Variants in SPAG7 observed in about 807,000 individuals in gnomAD.
SPAG7 encodes the protein sperm associated antigen 7.
In SPAG7, 20 loss-of-function variants were observed where a neutral mutation model predicts 30.6. The ratio of observed to expected loss-of-function variants is 0.65; its 90% CI spans 0.46 to 0.95. The LOEUF (loss-of-function observed/expected upper bound fraction) is 0.95. Ranked by LOEUF, SPAG7 falls within the 40% of genes least tolerant of loss-of-function variation. The pLI, the probability that SPAG7 is intolerant of heterozygous loss-of-function variation, is 0.00. For missense variants in SPAG7, 276 were observed against 291.1 expected (o/e 0.95, Z 0.38); for synonymous variants, 127 against 104.2 (o/e 1.22, Z -1.33).
chr17:4,963,700 A>G (rs1263829564), intron 1 of SPAG7, among the ~76,000 whole-genome samples: 4 of 151,866 alleles, frequency 2.6e-5, no homozygotes, highest in Non-Finnish European at 4.4e-5. Flanking sequence ...CTTGTGATCC[A>G]CCTGCCTCGG....
chr17:4,962,371 C>A (rs1971877195), intron 1 of SPAG7, among the ~76,000 whole-genome samples: 1 of 152,140 alleles, frequency 6.6e-6, no homozygotes, highest in Non-Finnish European at 1.5e-5. Flanking sequence ...GCCTCACCTT[C>A]CCAAAAGTGC....
chr17:4,960,364 G>A (rs373972761), intron 3 of SPAG7, 46 bp from the exon 4 acceptor site: 415 of 1,606,242 alleles, frequency 2.6e-4, no homozygotes, highest in African/African-American at 4.8e-4. Flanking sequence ...AGCCAGGAGC[G>A]GGCCTAGTGC....
chr17:4,961,541 G>C (rs1971863513), intron 1 of SPAG7, among the ~76,000 whole-genome samples: 1 of 151,156 alleles, frequency 6.6e-6, no homozygotes, highest in Admixed American at 6.6e-5. Flanking sequence ...GGATCATGAG[G>C]TCAGAAGATC....
Position 4,959,439 on chromosome 17 carries a change from G to A in SPAG7, c.*95C>T. The stretch of plus-strand genomic sequence containing the variant: ...GGGACAGCTGGTAGGAGGTGGTTCA[G>A]AGGTGGGGCTCCAGGATGGGCTCTA... On this transcript the variant is annotated 3_prime_UTR_variant, in exon 7 of 7. Coordinates refer to ENST00000206020, the MANE Select transcript of SPAG7 (RefSeq NM_004890.3). The A allele has an allele frequency of 1.0e-6, 1 of 952,462 alleles. No homozygotes were observed. Among genetic ancestry groups the A allele is most frequent in the Non-Finnish European group, 1.6e-6 (1 of 608,146 alleles). The allele number at this position is 952,462 out of a possible 1,614,324, so 59.0% of individuals were successfully genotyped here. A position where few individuals can be genotyped will look rare whatever the true frequency, so the allele number is the denominator to read the frequency against.
chr17:4,963,979 T>A (rs551804393), intron 1 of SPAG7, among the ~76,000 whole-genome samples: 36 of 152,068 alleles, frequency 2.4e-4, no homozygotes, highest in Non-Finnish European at 4.3e-4. Flanking sequence ...TACAGAAAAC[T>A]TTTTTTAAAA....
chr17:4,960,107 A>G lies in SPAG7; in HGVS notation c.332T>C (p.Phe111Ser). 6.2e-7 allele frequency: 1 copy of G among 1,613,516 alleles called. No homozygotes were observed. The highest frequency in any genetic ancestry group is 8.5e-7 in the Non-Finnish European group (1 of 1,179,416). The change falls in exon 5 of 7, where the codon TTT (phenylalanine) becomes TCT (serine). Residue 111 changes from phenylalanine to serine, a missense_variant. Coordinates refer to ENST00000206020, the MANE Select transcript of SPAG7 (RefSeq NM_004890.3). ...CRYVMIFKKE[F>S]APSDEELDSY... The stretch of plus-strand genomic sequence containing the variant: ...GTCTAGCTCTTCATCTGAGGGTGCA[A>G]ACTCCTGAAGAAGAGCAGAATGATG...
rs1319331781 is a variant in SPAG7, at chr17:4,960,615, AGCCTGGGCCCTTCTAC to A, written c.154-84_154-69del. Reference sequence around the variant, plus strand: ...ACCCAAGTACCCCTCTCCCTAGCTGAGCCTGGGCCCTTCTACGCCTCCCCAGCACCCTCCCCAGCCT... The same window carrying A: ...ACCCAAGTACCCCTCTCCCTAGCTGAGCCTCCCCAGCACCCTCCCCAGCCT... On this transcript the variant is annotated intron_variant, in intron 2 of 6. Transcript: ENST00000206020. The A allele has an allele frequency of 4.2e-6, 6 of 1,436,066 alleles. No individual in the cohort carries two copies. In the East Asian group the frequency reaches 1.1e-4, roughly 27 times the overall value. The allele number at this position is 1,436,066 out of a possible 1,614,324, so 89.0% of individuals were successfully genotyped here. A position where few individuals can be genotyped will look rare whatever the true frequency, so the allele number is the denominator to read the frequency against.
At chr17:4,962,770 G>C (rs1446242740) in intron 1 of SPAG7, among the ~76,000 whole-genome samples, 1 of 151,614 alleles carries the variant, frequency 6.6e-6, no homozygotes, top group African/African-American at 2.4e-5. Flanking sequence ...GGTTGGTCTC[G>C]AACTCCTGAC....
intron 1 of SPAG7, among the ~76,000 whole-genome samples, chr17:4,964,020 A>G (rs1407435385): frequency 6.6e-6 from 1 of 152,076 alleles, no homozygotes; most frequent in African/African-American, 2.4e-5. Flanking sequence ...CAGAGACTCA[A>G]GCTTCTCAAG....
At chr17:4,965,237 C>A (rs1971930819) in intron 1 of SPAG7, among the ~76,000 whole-genome samples, 1 of 151,766 alleles carries the variant, frequency 6.6e-6, no homozygotes, top group African/African-American at 2.4e-5. Context: ...TTCGTAGAGA[C>A]GATGTTTCGC....
intron 1 of SPAG7, among the ~76,000 whole-genome samples, chr17:4,963,451 ATTT>A (rs35484038): frequency 0.062 from 6,344 of 102,916 alleles, 119 homozygotes; most frequent in Middle Eastern, 0.14. Flanking sequence ...GGAAAGGGGA[ATTT>A]TTTTTTTTTT....
At chr17:4,963,187 G>A (rs1340403888) in intron 1 of SPAG7, among the ~76,000 whole-genome samples, 1 of 152,058 alleles carries the variant, frequency 6.6e-6, no homozygotes, top group African/African-American at 2.4e-5. Flanking sequence ...GAGGCCAGGA[G>A]CTCCAGACCA....
At chr17:4,967,170 A>T in intron 1 of SPAG7, 9 of 986,700 alleles carry the variant, frequency 9.1e-6, no homozygotes, top group Non-Finnish European at 1.1e-5. Context: ...GGATGGGAAA[A>T]AGGTTGTCGG....
chr17:4,967,617 T>G, intron 1 of SPAG7, 103 bp downstream of exon 1: 1 of 872,404 alleles, frequency 1.1e-6, no homozygotes, highest in Non-Finnish European at 1.9e-6. Flanking sequence ...AAGGGGCCTG[T>G]GAGGGGTCTT....
At chr17:4,967,635 TGAG>T (rs1260579618) in intron 1 of SPAG7, 82 bp downstream of exon 1, 6 of 1,058,784 alleles carry the variant, frequency 5.7e-6, no homozygotes, top group South Asian at 5.2e-5. Flanking sequence ...CTTTCAAGGT[TGAG>T]GAGGCGGCAT....
chr17:4,959,639 G>A lies in SPAG7; in HGVS notation c.579C>T (p.Pro193=), dbSNP rs747302359. ...AGCGTGTGTCCCTCTTATTGGCCAC[G>A]GGCACTAGGGGCAGAGAGGAGGGTA... is the stretch of plus-strand genomic sequence containing the variant. ...LQANKTYGCV[P]VANKRDTRSI... Residue 193 remains proline (P), a synonymous_variant, in exon 7 of 7, where the codon CCC becomes CCT. Transcript: ENST00000206020. 6 of 1,613,826 alleles carry A rather than the reference G, an allele frequency of 3.7e-6. No homozygotes were observed. The highest frequency in any genetic ancestry group is 1.1e-5 in the South Asian group (1 of 91,060).
Position 4,960,083 on chromosome 17 carries a change from T to G in SPAG7, c.356A>C (p.Asp119Ala), listed in dbSNP as rs755054851. ...KEFAPSDEELDSYRRGEEWDP... is the reference protein window; with the variant it reads ...KEFAPSDEELASYRRGEEWDP... ...CCATTCCTCTCCACGACGGTAAGAG[T>G]CTAGCTCTTCATCTGAGGGTGCAAA... The change falls in exon 5 of 7, where the codon GAC (aspartate) becomes GCC (alanine). Residue 119 changes from aspartate (D) to alanine (A), a missense_variant. By Grantham distance (126) the Asp-to-Ala change is moderately radical. Coordinates refer to ENST00000206020, the MANE Select transcript of SPAG7 (RefSeq NM_004890.3). 2.5e-6 allele frequency: 4 copies of G among 1,613,850 alleles called. No individual in the cohort carries two copies. Among genetic ancestry groups the G allele is most frequent in the Non-Finnish European group, 3.4e-6 (4 of 1,179,912 alleles).
intron 1 of SPAG7, 26 bp downstream of exon 1, chr17:4,967,694 G>A: frequency 6.4e-7 from 1 of 1,573,386 alleles, no homozygotes; most frequent in Non-Finnish European, 8.7e-7. Context: ...GGCGAAGGAA[G>A]GCGGTTGTGA....
intron 2 of SPAG7, 55 bp downstream of exon 2, chr17:4,960,731 T>C: frequency 1.3e-6 from 2 of 1,546,294 alleles, no homozygotes; most frequent in Non-Finnish European, 1.8e-6. Flanking sequence ...CTTCCAATTT[T>C]AACTTATTGG....
Sources: gnomAD v4.1 joint callset for allele counts (sites outside exome capture counted in the v4.1 genomes callset) on GRCh38, gnomAD v4.1.1 for gene constraint, MANE v1.5 for transcripts, NCBI Gene and HGNC (gene_info 2026-07-23, HGNC 2026-07-21) for gene names.